PDK1: variants seen among roughly 807,000 people sequenced by gnomAD.
PDK1 encodes pyruvate dehydrogenase kinase 1.
PDK1 carries 39 observed loss-of-function variants against 54.2 expected under a neutral mutation model. That is an observed-to-expected ratio of 0.72 (90% CI 0.56 to 0.94). The LOEUF is 0.94. Ranked by LOEUF, PDK1 falls within the 40% of genes least tolerant of loss-of-function variation. PDK1 has a pLI of 0.00. For synonymous variants in PDK1, 221 were observed against 207.1 expected (o/e 1.07, Z -0.58); for missense variants, 552 against 566.0 (o/e 0.98, Z 0.25).
the PDK1 span, among the ~76,000 whole-genome samples, chr2:172,693,456 T>C: frequency 8.5e-5 from 13 of 152,234 alleles, no homozygotes; most frequent in Non-Finnish European, 1.6e-4. Flanking sequence ...GTGGTAATAA[T>C]GTTAGCATAC....
rs1461960670 is a variant in PDK1, at chr2:172,607,169, A to AAT, written c.*11200_*11201insAT. 6.6e-6 allele frequency: 1 copy of AAT among 151,860 alleles called. No individual in the cohort carries two copies. The highest frequency in any genetic ancestry group is 2.4e-5 in the African/African-American group (1 of 41,440). 9.4% of individuals were successfully genotyped at this position (151,860 alleles called of 1,614,324 possible). ...CCAAGCATGGTGGCTCACGCCTATAATCCCAACTACTCCAGAGGCTGAGGT... is the reference window on the plus strand; with the variant it reads ...CCAAGCATGGTGGCTCACGCCTATAAATTCCCAACTACTCCAGAGGCTGAGGT... On this transcript the variant is annotated 3_prime_UTR_variant, in exon 11 of 11. Coordinates refer to ENST00000282077, the MANE Select transcript of PDK1 (RefSeq NM_002610.5).
intron 8 of PDK1, among the ~76,000 whole-genome samples, chr2:172,584,164 A>G (rs1327913792): frequency 6.6e-6 from 1 of 152,180 alleles, no homozygotes; most frequent in Non-Finnish European, 1.5e-5. Flanking sequence ...AGATGGAAAT[A>G]CAAAGTAGTG....
chr2:172,641,414 T>C, the PDK1 span, among the ~76,000 whole-genome samples: 1 of 151,174 alleles, frequency 6.6e-6, no homozygotes, highest in Non-Finnish European at 1.5e-5. Flanking sequence ...ATTACAGGTG[T>C]AAGGTGCCAC....
In PDK1 at chr2:172,604,738, G is replaced by A. The variant is rs990818968; in HGVS notation, c.*8769G>A. The A allele has an allele frequency of 3.3e-5, 5 of 152,158 alleles. No individual in the cohort carries two copies. Among genetic ancestry groups the A allele is most frequent in the African/African-American group, 1.2e-4 (5 of 41,424 alleles). The allele number at this position is 152,158 out of a possible 1,614,324, so 9.4% of individuals were successfully genotyped here. On this transcript the variant is annotated 3_prime_UTR_variant, in exon 11 of 11. Transcript: ENST00000282077. ...TGTCTAGCCCTCTCCATTTAGACTT[G>A]GAAGGGTCAGCAGTAAAATTTCACT...
At chr2:172,657,642 G>A in the PDK1 span, among the ~76,000 whole-genome samples, 1 of 152,072 alleles carries the variant, frequency 6.6e-6, no homozygotes, top group African/African-American at 2.4e-5. Context: ...TTGAACAATA[G>A]CAGGTGCAAG....
At chr2:172,719,388 C>G in the PDK1 span, among the ~76,000 whole-genome samples, 17 of 152,254 alleles carry the variant, frequency 1.1e-4, no homozygotes, top group Non-Finnish European at 2.2e-4. Context: ...AACTTACCAA[C>G]TATATTCTGA....
chr2:172,640,427 C>T, the PDK1 span, among the ~76,000 whole-genome samples: 1 of 152,174 alleles, frequency 6.6e-6, no homozygotes, highest in Non-Finnish European at 1.5e-5. Context: ...TCAGCCTGCT[C>T]ATTGGCAGAT....
the PDK1 span, among the ~76,000 whole-genome samples, chr2:172,705,054 G>A: frequency 6.6e-6 from 1 of 152,202 alleles, no homozygotes; most frequent in Non-Finnish European, 1.5e-5. Flanking sequence ...AGATTAAAAT[G>A]TGAATATTTA....
In PDK1 at chr2:172,562,200, C is replaced by G; in HGVS notation, c.339-20C>G. On this transcript the variant is annotated intron_variant, in intron 2 of 10. Transcript: ENST00000282077. Reference sequence around the variant, plus strand: ...TCAGAATATAAAAGAACAAACTTATCCTATTGATCTGCATTTTAGGTATAT... The same window carrying G: ...TCAGAATATAAAAGAACAAACTTATGCTATTGATCTGCATTTTAGGTATAT... The G allele has an allele frequency of 7.4e-7, 1 of 1,355,370 alleles. No homozygotes were observed. The highest frequency in any genetic ancestry group is 1.0e-6 in the Non-Finnish European group (1 of 955,064). 84.0% of individuals were successfully genotyped at this position (1,355,370 alleles called of 1,614,324 possible).
the PDK1 span, among the ~76,000 whole-genome samples, chr2:172,694,147 A>T: frequency 6.6e-6 from 1 of 152,190 alleles, no homozygotes; most frequent in South Asian, 2.1e-4. Context: ...CCTTCACCAT[A>T]GGAAATGAAT....
chr2:172,700,408 GTGGCCAGGCAGAGGC>G, the PDK1 span, among the ~76,000 whole-genome samples: 7 of 147,784 alleles, frequency 4.7e-5, no homozygotes, highest in African/African-American at 7.6e-5. Context: ...AGACGGGGTC[GTGGCCAGGCAGAGGC>G]GCTCCCCACA....
intron 9 of PDK1, among the ~76,000 whole-genome samples, chr2:172,587,372 G>T (rs1690298034): frequency 1.3e-5 from 2 of 151,848 alleles, no homozygotes; most frequent in Admixed American, 6.6e-5. Context: ...GGAGTTGTTT[G>T]TTCCTCTCAG....
At chr2:172,568,885 C>T (rs1431747059) in intron 7 of PDK1, 68 bp downstream of exon 7, 3 of 872,010 alleles carry the variant, frequency 3.4e-6, no homozygotes, top group Non-Finnish European at 5.9e-6. Context: ...CTCTGAAAGC[C>T]AAATATTCCA....
chr2:172,707,173 ATGTGGTCTCCACTG>A, the PDK1 span, among the ~76,000 whole-genome samples: 1 of 152,118 alleles, frequency 6.6e-6, no homozygotes, highest in Non-Finnish European at 1.5e-5. Context: ...TGGGTTCCCT[ATGTGGTCTCCACTG>A]CTACCACAGG....
chr2:172,666,285 T>A, the PDK1 span, among the ~76,000 whole-genome samples: 1 of 152,160 alleles, frequency 6.6e-6, no homozygotes, highest in Non-Finnish European at 1.5e-5. Flanking sequence ...AATAGAGGAG[T>A]ACAGAGAAGA....
chr2:172,558,972 G>A lies in PDK1; in HGVS notation c.338+123G>A, dbSNP rs192758113. The A allele has an allele frequency of 4.1e-5, 42 of 1,027,878 alleles. No homozygotes were observed. The Admixed American group carries it at 8.8e-4, about 22-fold the overall frequency. The allele number at this position is 1,027,878 out of a possible 1,614,324, so 63.7% of individuals were successfully genotyped here. ...TGTTTTGTTTTGTTTTGTTTGAGAC[G>A]GAGTCTTGCTCTGTCGCCCAGGCTG... On this transcript the variant is annotated intron_variant, in intron 2 of 10. Coordinates refer to ENST00000282077, the MANE Select transcript of PDK1 (RefSeq NM_002610.5).
chr2:172,658,593 A>G, the PDK1 span, among the ~76,000 whole-genome samples: 1 of 152,172 alleles, frequency 6.6e-6, no homozygotes, highest in Non-Finnish European at 1.5e-5. Flanking sequence ...TCTTGCAGAG[A>G]GCCTATAAAC....
the PDK1 span, among the ~76,000 whole-genome samples, chr2:172,677,775 A>T: frequency 3.3e-5 from 5 of 152,398 alleles, no homozygotes; most frequent in East Asian, 9.6e-4. Flanking sequence ...CAGTGAAGTT[A>T]TTTGGCTTAG....
At chr2:172,675,787 GA>G in the PDK1 span, among the ~76,000 whole-genome samples, 1 of 152,180 alleles carries the variant, frequency 6.6e-6, no homozygotes, top group Non-Finnish European at 1.5e-5. Context: ...TTTCAATTTA[GA>G]AAAAACAGCC....
Sources: gnomAD v4.1 joint callset for allele counts (sites outside exome capture counted in the v4.1 genomes callset) on GRCh38, gnomAD v4.1.1 for gene constraint, MANE v1.5 for transcripts, NCBI Gene and HGNC (gene_info 2026-07-23, HGNC 2026-07-21) for gene names.